TACC3: variants seen among roughly 807,000 people sequenced by gnomAD.
The protein encoded by TACC3 is transforming acidic coiled-coil containing protein 3.
Under a neutral mutation model 86.0 loss-of-function variants are expected in TACC3, and 52 were observed. The observed-to-expected ratio is 0.60, with a 90% confidence interval of 0.48 to 0.76. TACC3 has a LOEUF of 0.76. Ranked by LOEUF, TACC3 falls within the 30% of genes least tolerant of loss-of-function variation. The pLI, the probability that TACC3 is intolerant of heterozygous loss-of-function variation, is 0.00. For missense variants in TACC3, 1,120 were observed against 1,070.4 expected, an observed-to-expected ratio of 1.05 and a Z score of -0.65; for synonymous variants, 512 against 430.0, an observed-to-expected ratio of 1.19 and a Z score of -2.36.
chr4:1,721,204 G>T, upstream of TACC3: 1 of 175,566 alleles, frequency 5.7e-6, no homozygotes, highest in Non-Finnish European at 1.2e-5. Flanking sequence ...TGTGCATTGA[G>T]CACAGGTGGG....
At position 1,744,814 on chromosome 4, in the gene TACC3, G is replaced by A. The variant is rs769372485; in HGVS notation, c.2433G>A (p.Glu811=). The A allele has an allele frequency of 1.2e-6, 2 of 1,612,960 alleles. No individual in the cohort carries two copies. The highest frequency in any genetic ancestry group is 4.5e-5 in the East Asian group (2 of 44,872). Residue 811 remains glutamate (E), a synonymous_variant, in exon 15 of 16, where the codon GAG becomes GAA. Transcript: ENST00000313288. ...RKEQMRIQSL[E]KTVEQKTKEN... is the part of the protein sequence containing the mutation. ...AGCAGATGCGCATCCAGTCGCTGGA[G>A]AAGACAGTGGAGCAGAAGGTGGGTG...
intron 13 of TACC3, among the ~76,000 whole-genome samples, chr4:1,743,372 G>A (rs962158037): frequency 1.3e-5 from 2 of 151,282 alleles, no homozygotes; most frequent in Non-Finnish European, 2.9e-5. Flanking sequence ...GACCAACATG[G>A]TGAAACCCTG....
intron 4 of TACC3, 44 bp from the exon 5 acceptor site, chr4:1,730,843 T>A (rs1417084564): frequency 6.3e-7 from 1 of 1,579,216 alleles, no homozygotes; most frequent in Admixed American, 1.7e-5. Context: ...ACGCCGGGGT[T>A]ATGGGGTGGG....
intron 4 of TACC3, 25 bp from the exon 5 acceptor site, chr4:1,730,862 G>T: frequency 6.2e-7 from 1 of 1,610,914 alleles, no homozygotes; most frequent in Middle Eastern, 1.8e-4. Flanking sequence ...GGGGGCATGG[G>T]CCTCTGCTGA....
chr4:1,723,358 C>G (rs577666974), intron 1 of TACC3, 63 bp from the exon 2 acceptor site: 290 of 1,553,210 alleles, frequency 1.9e-4, no homozygotes, highest in Non-Finnish European at 2.4e-4. Flanking sequence ...GCTGTCACGT[C>G]TGTGTCTGGA....
chr4:1,742,390 G>C (rs1051474503), intron 13 of TACC3, among the ~76,000 whole-genome samples: 6 of 152,252 alleles, frequency 3.9e-5, no homozygotes, highest in African/African-American at 7.2e-5. Flanking sequence ...CCCCGGGGCA[G>C]GCCTGTGCCT....
chr4:1,736,917 G>T (rs1044018741), intron 8 of TACC3, among the ~76,000 whole-genome samples: 3 of 142,538 alleles, frequency 2.1e-5, no homozygotes, highest in African/African-American at 7.8e-5. Flanking sequence ...CTCGGAAAAA[G>T]AAAAAAAAAA....
rs1436032130 is a variant in TACC3 at position 1,728,528 on chromosome 4, A to G, written c.1126A>G (p.Lys376Glu). Residue 376 changes from lysine to glutamate, a missense_variant, in exon 4 of 16, where the codon AAG becomes GAG. Lys to Glu is a moderately conservative substitution (Grantham distance 56). Coordinates refer to ENST00000313288, the MANE Select transcript of TACC3 (RefSeq NM_006342.3). ...PLRKAAVRQQ[K>E]APQEVEEDDG... ...GAGGAAAGCAGCAGTGAGGCAGCAA[A>G]AGGCCCCGCAGGAGGTGGAGGAGGA... 2 of 1,613,838 alleles carry G rather than the reference A, an allele frequency of 1.2e-6. No individual in the cohort carries two copies. The highest frequency in any genetic ancestry group is 1.1e-5 in the South Asian group (1 of 91,078).
At chr4:1,730,185 C>A (rs1717930547) in intron 4 of TACC3, among the ~76,000 whole-genome samples, 1 of 152,176 alleles carries the variant, frequency 6.6e-6, no homozygotes, top group Non-Finnish European at 1.5e-5. Context: ...ACTGCAGGCA[C>A]CCGCCACCAT....
At chr4:1,739,913 G>T (rs760918857) in intron 11 of TACC3, 46 bp from the exon 12 acceptor site, 3 of 1,603,310 alleles carry the variant, frequency 1.9e-6, no homozygotes, top group Non-Finnish European at 2.6e-6. Flanking sequence ...GCCTGGGACC[G>T]CTGGGCACCC....
At position 1,744,771 on chromosome 4, in the gene TACC3, A is replaced by G. The variant is rs1226517190; in HGVS notation, c.2390A>G (p.Gln797Arg). The change falls in exon 15 of 16, where the codon CAG (glutamine) becomes CGG (arginine). Residue 797 changes from glutamine (Q) to arginine (R), a missense_variant. Coordinates refer to ENST00000313288, the MANE Select transcript of TACC3 (RefSeq NM_006342.3). ...SKAQAEALALQASLRKEQMRI... is the reference protein window; with the variant it reads ...SKAQAEALALRASLRKEQMRI... ...GCCCAGGCGGAAGCGTTGGCCCTCC[A>G]GGCCAGCCTGAGGAAGGAGCAGATG... 1 of 1,612,796 alleles carries G rather than the reference A, an allele frequency of 6.2e-7. No homozygotes were observed. Among genetic ancestry groups the G allele is most frequent in the South Asian group, 1.1e-5 (1 of 91,088 alleles).
chr4:1,739,588 C>T, intron 10 of TACC3, 114 bp from the exon 11 acceptor site: 3 of 969,036 alleles, frequency 3.1e-6, no homozygotes, highest in African/African-American at 1.6e-5. Context: ...TGGAACTGTG[C>T]CTCTGGGACA....
At position 1,731,131 on chromosome 4, in the gene TACC3, C is replaced by T. The variant is rs897769140; in HGVS notation, c.1462-41C>T. On this transcript the variant is annotated intron_variant, in intron 5 of 15. Coordinates refer to ENST00000313288, the MANE Select transcript of TACC3 (RefSeq NM_006342.3). ...GGAGGCAAAGCCACACCCCAAGTAC[C>T]TTGACTGCACTGCACAGGGTGACTC... The T allele has an allele frequency of 1.9e-6, 3 of 1,608,642 alleles. No homozygotes were observed. In the Admixed American group the frequency reaches 5.0e-5, roughly 27 times the overall value.
In TACC3 at chr4:1,723,843, C is replaced by T. The variant is rs147088559; in HGVS notation, c.278C>T (p.Ser93Leu). ...GATGACACCCTTGGACTGGAAAACT[C>T]ACACCCGGTCTGGACACAGAAAGAG... ...TQDDTLGLEN[S>L]HPVWTQKENQ... is the part of the protein sequence containing the mutation. The change falls in exon 3 of 16, where the codon TCA becomes TTA. Residue 93 changes from serine to leucine, a missense_variant. Transcript: ENST00000313288. 3.0e-4 allele frequency: 480 copies of T among 1,613,544 alleles called. No homozygotes were observed. Among genetic ancestry groups the T allele is most frequent in the Non-Finnish European group, 3.9e-4 (465 of 1,179,992 alleles).
In TACC3 at chr4:1,727,917, G is replaced by A. The variant is rs754224431; in HGVS notation, c.515G>A (p.Gly172Glu). The A allele has an allele frequency of 6.2e-7, 1 of 1,613,926 alleles. No individual in the cohort carries two copies. Among genetic ancestry groups the A allele is most frequent in the Admixed American group, 1.7e-5 (1 of 60,024 alleles). The change falls in exon 4 of 16, where the codon GGA (glycine) becomes GAA (glutamate). Residue 172 changes from glycine (G) to glutamate (E), a missense_variant. By Grantham distance (98) the Gly-to-Glu change is moderately conservative. Transcript: ENST00000313288. ...GSSENQMVSP[G>E]KVSGSPEQAV... ...TCTGAGAACCAAATGGTGTCTCCAG[G>A]AAAAGTGTCTGGCAGCCCTGAGCAA...
In TACC3 at chr4:1,728,804, G is replaced by A. The variant is rs1439044280; in HGVS notation, c.1385+17G>A. On this transcript the variant is annotated intron_variant, in intron 4 of 15. Coordinates refer to ENST00000313288, the MANE Select transcript of TACC3 (RefSeq NM_006342.3). ...TCTGAGCCAGTAAGTGTGAGGATGG[G>A]ATGGGGAGCGTGGCGTGGGGCAGCT... is the stretch of plus-strand genomic sequence containing the variant. 6.3e-7 allele frequency: 1 copy of A among 1,584,872 alleles called. No individual in the cohort carries two copies. The highest frequency in any genetic ancestry group is 8.6e-7 in the Non-Finnish European group (1 of 1,167,946).
rs117637614 is a variant in TACC3, at chr4:1,735,718, C to T, written c.1645-13C>T. On this transcript the variant is annotated splice_polypyrimidine_tract_variant and intron_variant, in intron 7 of 15. Transcript: ENST00000313288. The surrounding 1 kb of genome is among the most constrained non-coding windows in gnomAD (Gnocchi z 4.2). ...TGGCAGTCAGACCTGATCACTTGCC[C>T]TCTTGTCCCCAGTTTAAGGAGTCGG... is the stretch of plus-strand genomic sequence containing the variant. 1,091 of 1,606,746 alleles carry T rather than the reference C, an allele frequency of 6.8e-4. 12 individuals carry two copies. The East Asian group carries it at 0.022, about 33-fold the overall frequency.
intron 6 of TACC3, among the ~76,000 whole-genome samples, chr4:1,732,172 A>G (rs1206715458): frequency 6.6e-6 from 1 of 151,968 alleles, no homozygotes; most frequent in Non-Finnish European, 1.5e-5. Flanking sequence ...CTGCAGTTAA[A>G]TAAATACGGC....
intron 6 of TACC3, among the ~76,000 whole-genome samples, chr4:1,733,997 A>C (rs950136695): frequency 2.6e-5 from 4 of 151,936 alleles, no homozygotes; most frequent in African/African-American, 9.7e-5. Context: ...AAAAGAAAAG[A>C]AAACTGACAA....
Sources: gnomAD v4.1 joint callset for allele counts (sites outside exome capture counted in the v4.1 genomes callset) on GRCh38, gnomAD v4.1.1 for gene constraint, Gnocchi (gnomAD v3.1) non-coding constraint, MANE v1.5 for transcripts, NCBI Gene and HGNC (gene_info 2026-07-23, HGNC 2026-07-21) for gene names.